Variants in CLIC5 observed in about 807,000 individuals in gnomAD.
CLIC5 encodes CLIC family member 5.
CLIC5 carries 20 observed loss-of-function variants against 24.7 expected under a neutral mutation model. The ratio of observed to expected loss-of-function variants is 0.81; its 90% CI spans 0.57 to 1.18. The LOEUF (loss-of-function observed/expected upper bound fraction) is 1.18, where lower values mean the gene tolerates loss of function less well. Among genes scored for constraint, CLIC5 ranks in the 50% most tolerant of loss-of-function variants. CLIC5 has a pLI of 0.00. For synonymous variants in CLIC5, 159 were observed against 135.6 expected, an observed-to-expected ratio of 1.17 and a Z score of -1.20; for missense variants, 341 against 326.1, an observed-to-expected ratio of 1.05 and a Z score of -0.35.
intron 1 of CLIC5, among the ~76,000 whole-genome samples, chr6:46,006,248 A>G (rs9689699): frequency 0.33 from 47,794 of 143,946 alleles, 8,493 homozygotes; most frequent in Middle Eastern, 0.46. Flanking sequence ...TGGTTCAAGC[A>G]ATTCTCCTGC....
intron 1 of CLIC5, among the ~76,000 whole-genome samples, chr6:45,986,596 C>CT (rs1478468412): frequency 2.0e-5 from 3 of 152,058 alleles, no homozygotes; most frequent in Non-Finnish European, 4.4e-5. Flanking sequence ...CTTCTTTAAA[C>CT]TTTTTTTTCT....
At chr6:45,923,993 C>T (rs865916821) in intron 4 of CLIC5, among the ~76,000 whole-genome samples, 22 of 152,114 alleles carry the variant, frequency 1.4e-4, no homozygotes, top group South Asian at 6.2e-4. Flanking sequence ...GAGTCATCAC[C>T]TGCAGAGGGC....
At chr6:45,953,919 T>C (rs919969924) in intron 2 of CLIC5, among the ~76,000 whole-genome samples, 4 of 152,004 alleles carry the variant, frequency 2.6e-5, no homozygotes, top group Non-Finnish European at 5.9e-5. Flanking sequence ...GCTCTAGACT[T>C]GGCTACTGAT....
At chr6:45,974,518 TATATAGAGAGAGAGAGAGAGAG>T (rs1765318078) in intron 1 of CLIC5, among the ~76,000 whole-genome samples, 10 of 84,126 alleles carry the variant, frequency 1.2e-4, no homozygotes, top group African/African-American at 5.0e-4. Context: ...TATATATATA[TATATAGAGAGAGAGAGAGAGAG>T]AGAGAGAGAG....
chr6:46,028,711 C>T (rs1222905629), intron 1 of CLIC5, among the ~76,000 whole-genome samples: 1 of 152,108 alleles, frequency 6.6e-6, no homozygotes, highest in Non-Finnish European at 1.5e-5. Context: ...TTCCCATGTA[C>T]ACCCTGCCTC....
chr6:46,088,350 G>A, the CLIC5 span, among the ~76,000 whole-genome samples: 2 of 152,084 alleles, frequency 1.3e-5, no homozygotes, highest in Non-Finnish European at 2.9e-5. Context: ...CAAATTATCT[G>A]TCCCTTCATA....
chr6:46,014,045 T>TG (rs1766903004), intron 1 of CLIC5, among the ~76,000 whole-genome samples: 1 of 144,676 alleles, frequency 6.9e-6, no homozygotes, highest in East Asian at 2.0e-4. Flanking sequence ...GGGGTGGGGG[T>TG]GGGGGGAGTC....
At chr6:45,963,217 G>A (rs746253978) in intron 1 of CLIC5, among the ~76,000 whole-genome samples, 12 of 149,904 alleles carry the variant, frequency 8.0e-5, no homozygotes, top group Admixed American at 4.7e-4. Flanking sequence ...CCTGATATTC[G>A]TCTTATAGCT....
intron 1 of CLIC5, among the ~76,000 whole-genome samples, chr6:46,075,618 A>T (rs981786712): frequency 6.6e-6 from 1 of 152,148 alleles, no homozygotes; most frequent in African/African-American, 2.4e-5. Flanking sequence ...CTGCTCTAAG[A>T]CATATTCCGC....
At chr6:45,938,345 C>T (rs972411666) in intron 4 of CLIC5, among the ~76,000 whole-genome samples, 3 of 152,120 alleles carry the variant, frequency 2.0e-5, no homozygotes, top group Non-Finnish European at 1.5e-5. Context: ...CTCTGGCTTG[C>T]TAAGCCTAAG....
At chr6:45,974,522 TAGAGAGAG>T (rs58729329) in intron 1 of CLIC5, among the ~76,000 whole-genome samples, 1,697 of 65,784 alleles carry the variant, frequency 0.026, 35 homozygotes, top group African/African-American at 0.062. Flanking sequence ...TATATATATA[TAGAGAGAG>T]AGAGAGAGAG....
intron 4 of CLIC5, chr6:45,920,598 A>G (rs1333000781): frequency 1.4e-6 from 1 of 704,710 alleles, no homozygotes; most frequent in East Asian, 1.3e-4. Context: ...TAAAACGTGA[A>G]TGGTAACGTG....
In CLIC5 at chr6:46,010,315, G is replaced by A. The variant is rs191038375; in HGVS notation, c.63+5165C>T. Among the ~76,000 whole-genome samples, 228 of 152,244 alleles carry A rather than the reference G, an allele frequency of 1.5e-3. 2 individuals are homozygous for A. The highest frequency in any genetic ancestry group is 2.1e-4 in the Non-Finnish European group (14 of 68,028). ...AATAGGCCAGATCCATACTCAGCTT[G>A]AAATGCTGACACCAACTCCATGAAA... On this transcript the variant is annotated intron_variant, in intron 1 of 5. Coordinates refer to ENST00000339561, the MANE Select transcript of CLIC5 (RefSeq NM_016929.5).
At chr6:46,096,690 G>C in the CLIC5 span, among the ~76,000 whole-genome samples, 1 of 152,192 alleles carries the variant, frequency 6.6e-6, no homozygotes, top group African/African-American at 2.4e-5. Context: ...GTCCTGCCTT[G>C]AGTCTTTCTT....
At chr6:45,942,504 G>A (rs1208795867) in intron 3 of CLIC5, among the ~76,000 whole-genome samples, 3 of 152,156 alleles carry the variant, frequency 2.0e-5, no homozygotes, top group Admixed American at 6.5e-5. Context: ...TTATGGGTAT[G>A]GCCAGGTAGT....
the CLIC5 span, among the ~76,000 whole-genome samples, chr6:46,123,983 ATAT>A: frequency 2.6e-5 from 4 of 152,370 alleles, no homozygotes; most frequent in African/African-American, 9.6e-5. Context: ...GGAAGAATCA[ATAT>A]TATGAAAATG....
At chr6:46,115,479 CATA>C in the CLIC5 span, among the ~76,000 whole-genome samples, 1 of 152,152 alleles carries the variant, frequency 6.6e-6, no homozygotes, top group Non-Finnish European at 1.5e-5. Context: ...CCTATAATGT[CATA>C]ATAATAATTT....
intron 4 of CLIC5, among the ~76,000 whole-genome samples, chr6:45,915,986 C>T (rs771295660): frequency 4.6e-5 from 7 of 152,262 alleles, no homozygotes; most frequent in East Asian, 1.9e-4. Context: ...AGATACAAGG[C>T]GGACACTGCC....
chr6:46,114,023 G>T, the CLIC5 span, among the ~76,000 whole-genome samples: 3 of 152,166 alleles, frequency 2.0e-5, no homozygotes, highest in Non-Finnish European at 4.4e-5. Context: ...TTCAAAGATA[G>T]CAGAGAGCTT....
Sources: gnomAD v4.1 joint callset for allele counts (sites outside exome capture counted in the v4.1 genomes callset) on GRCh38, gnomAD v4.1.1 for gene constraint, MANE v1.5 for transcripts, NCBI Gene and HGNC (gene_info 2026-07-23, HGNC 2026-07-21) for gene names.